CNKSR3: variants seen among roughly 807,000 people sequenced by gnomAD.
CNKSR3 encodes CNKSR family member 3.
CNKSR3 carries 36 observed loss-of-function variants against 67.7 expected under a neutral mutation model. That is an observed-to-expected ratio of 0.53 (90% confidence interval 0.41 to 0.70). CNKSR3 has a LOEUF of 0.70. Ranked by LOEUF, CNKSR3 falls within the 30% of genes least tolerant of loss-of-function variation. The pLI, the probability that CNKSR3 is intolerant of heterozygous loss-of-function variation, is 0.00. For missense variants in CNKSR3, 630 were observed against 695.2 expected, an observed-to-expected ratio of 0.91 and a Z score of 1.05; for synonymous variants, 281 against 271.4, an observed-to-expected ratio of 1.04 and a Z score of -0.35.
At chr6:154,437,370 C>T (rs1207116803) in intron 4 of CNKSR3, among the ~76,000 whole-genome samples, 1 of 150,130 alleles carries the variant, frequency 6.7e-6, no homozygotes, top group Non-Finnish European at 1.5e-5. Flanking sequence ...TCTGAGCGCA[C>T]AGATGCACAA....
At chr6:154,459,124 AAAAGAGAGAG>A (rs1786022648) in intron 1 of CNKSR3, among the ~76,000 whole-genome samples, 1 of 150,550 alleles carries the variant, frequency 6.6e-6, no homozygotes, top group Non-Finnish European at 1.5e-5. Context: ...AAAGAGAAGA[AAAAGAGAGAG>A]AAAGAAAGAA....
At chr6:154,500,803 T>A (rs557511786) in intron 1 of CNKSR3, among the ~76,000 whole-genome samples, 3 of 152,194 alleles carry the variant, frequency 2.0e-5, no homozygotes, top group Admixed American at 6.5e-5. Flanking sequence ...ATCTTATTGA[T>A]TCGCATTCTA....
intron 12 of CNKSR3, among the ~76,000 whole-genome samples, chr6:154,408,397 T>C (rs1023418055): frequency 3.9e-5 from 6 of 152,218 alleles, no homozygotes; most frequent in African/African-American, 1.4e-4. Flanking sequence ...ACACGAAACA[T>C]TCACAGTGAT....
rs755045291 is a variant in CNKSR3, at chr6:154,393,432, G to A, written c.*12922C>T. 6.6e-6 allele frequency: 1 copy of A among 152,138 alleles called. No individual in the cohort carries two copies. Among genetic ancestry groups the A allele is most frequent in the Admixed American group, 6.6e-5 (1 of 15,266 alleles). 9.4% of individuals were successfully genotyped at this position (152,138 alleles called of 1,614,324 possible). A position where few individuals can be genotyped will look rare whatever the true frequency, so the allele number is the denominator to read the frequency against. ...GATTTTGACTTCACTTTCCCTGCTC[G>A]CTAGTGAAAATCGCTTCACATGCAT... On this transcript the variant is annotated 3_prime_UTR_variant, in exon 13 of 13. Transcript: ENST00000607772.
chr6:154,428,314 G>C (rs1210115014), intron 6 of CNKSR3, 127 bp from the exon 7 acceptor site: 1 of 641,986 alleles, frequency 1.6e-6, no homozygotes, highest in African/African-American at 1.8e-5. Context: ...TCAGCCTCCT[G>C]AAACATCGAG....
chr6:154,496,524 A>G (rs1379171971), intron 1 of CNKSR3, among the ~76,000 whole-genome samples: 2 of 152,232 alleles, frequency 1.3e-5, no homozygotes, highest in African/African-American at 2.4e-5. Flanking sequence ...CTTTCATTCT[A>G]TCCTCTATAG....
Position 154,489,517 on chromosome 6 carries a change from TGA to T in CNKSR3, c.52+20544_52+20545del, listed in dbSNP as rs1317828500. ...CCGCACTCCAGCCTGGGTGACCAAG[TGA>T]GAGTCCATCTCAAAACAAACAAACA... On this transcript the variant is annotated intron_variant, in intron 1 of 12. Transcript: ENST00000607772. Among the ~76,000 whole-genome samples the T allele has an allele frequency of 4.0e-5, 6 of 148,596 alleles. No individual in the cohort carries two copies. In the East Asian group the frequency reaches 1.2e-3, roughly 30 times the overall value.
intron 7 of CNKSR3, among the ~76,000 whole-genome samples, chr6:154,423,771 T>C (rs1263279880): frequency 6.6e-6 from 1 of 152,216 alleles, no homozygotes; most frequent in Non-Finnish European, 1.5e-5. Flanking sequence ...GCTGTTAAAA[T>C]AGAAAGTTGG....
chr6:154,420,963 A>T (rs1203138378), intron 9 of CNKSR3, among the ~76,000 whole-genome samples: 3 of 152,168 alleles, frequency 2.0e-5, no homozygotes, highest in African/African-American at 4.8e-5. Flanking sequence ...GATTGTAATT[A>T]TGTTCCCCTC....
At chr6:154,506,821 C>T (rs1562362110) in intron 1 of CNKSR3, among the ~76,000 whole-genome samples, 1 of 152,232 alleles carries the variant, frequency 6.6e-6, no homozygotes, top group Non-Finnish European at 1.5e-5. Flanking sequence ...AAATAACTTT[C>T]TGACATGAAC....
intron 9 of CNKSR3, among the ~76,000 whole-genome samples, chr6:154,418,349 T>C (rs1157546666): frequency 6.6e-6 from 1 of 152,212 alleles, no homozygotes; most frequent in Non-Finnish European, 1.5e-5. Flanking sequence ...TTCACAAGGA[T>C]GTACACCTAA....
chr6:154,463,867 C>T (rs542665531), intron 1 of CNKSR3, among the ~76,000 whole-genome samples: 22 of 152,272 alleles, frequency 1.4e-4, no homozygotes, highest in Admixed American at 1.3e-3. Flanking sequence ...ACTGGCCCTG[C>T]GTTGCTATGA....
In CNKSR3 at chr6:154,486,619, A is replaced by G. The variant is rs1161549658; in HGVS notation, c.52+23444T>C. Among the ~76,000 whole-genome samples, 5 of 140,068 alleles carry G rather than the reference A, an allele frequency of 3.6e-5. No individual in the cohort carries two copies. The South Asian group carries it at 8.4e-4, about 23-fold the overall frequency. The allele number at this position is 140,068 out of a possible 152,430, so 91.9% of individuals were successfully genotyped here. A position where few individuals can be genotyped will look rare whatever the true frequency, so the allele number is the denominator to read the frequency against. ...GCAATTCTCCTGCCTCAGCCTCCCAAGTAGCTGGGATTACAGGCACACACC... is the reference window on the plus strand; with the variant it reads ...GCAATTCTCCTGCCTCAGCCTCCCAGGTAGCTGGGATTACAGGCACACACC... On this transcript the variant is annotated intron_variant, in intron 1 of 12. Transcript: ENST00000607772.
intron 1 of CNKSR3, among the ~76,000 whole-genome samples, chr6:154,465,140 C>CA (rs59986165): frequency 0.037 from 2,484 of 67,262 alleles, 34 homozygotes; most frequent in African/African-American, 0.068. Flanking sequence ...GATTCTGTCT[C>CA]AAAAAAAAAA....
intron 11 of CNKSR3, 143 bp from the exon 12 acceptor site, chr6:154,410,575 T>G (rs1029835865): frequency 1.6e-6 from 1 of 620,648 alleles, no homozygotes; most frequent in African/African-American, 1.8e-5. Context: ...AAAAGTATTT[T>G]AAAGCACTGT....
At chr6:154,487,363 T>C (rs571623623) in intron 1 of CNKSR3, among the ~76,000 whole-genome samples, 2 of 152,364 alleles carry the variant, frequency 1.3e-5, no homozygotes, top group East Asian at 3.9e-4. Flanking sequence ...TTATCTCATT[T>C]AGCCCTGAAA....
chr6:154,462,790 T>C (rs1285124374), intron 1 of CNKSR3, among the ~76,000 whole-genome samples: 1 of 152,204 alleles, frequency 6.6e-6, no homozygotes, highest in African/African-American at 2.4e-5. Flanking sequence ...CGCTGTGCCC[T>C]TCACAAGCCT....
intron 1 of CNKSR3, among the ~76,000 whole-genome samples, chr6:154,505,834 G>T (rs765931530): frequency 6.6e-6 from 1 of 152,120 alleles, no homozygotes; most frequent in Non-Finnish European, 1.5e-5. Context: ...CCCACTCGAG[G>T]CTGATCAACA....
chr6:154,472,480 C>T (rs1426063487), intron 1 of CNKSR3, among the ~76,000 whole-genome samples: 4 of 152,200 alleles, frequency 2.6e-5, no homozygotes, highest in Non-Finnish European at 5.9e-5. Flanking sequence ...GAACACTTCC[C>T]TGGCCCTCAA....
Sources: gnomAD v4.1 joint callset for allele counts (sites outside exome capture counted in the v4.1 genomes callset) on GRCh38, gnomAD v4.1.1 for gene constraint, MANE v1.5 for transcripts, NCBI Gene and HGNC (gene_info 2026-07-23, HGNC 2026-07-21) for gene names.